Variants in UNC13C observed in about 807,000 individuals in gnomAD.
The protein encoded by UNC13C is protein unc-13 homolog C.
Under a neutral mutation model 245.4 loss-of-function variants are expected in UNC13C, and 174 were observed. That is an observed-to-expected ratio of 0.71 (90% CI 0.63 to 0.80). UNC13C has a LOEUF of 0.80. UNC13C is among the 30% of genes least tolerant of loss of function. UNC13C has a pLI of 0.00. For synonymous variants in UNC13C, 992 were observed against 895.1 expected (o/e 1.11, Z -1.93); for missense variants, 2,829 against 2,602.9 (o/e 1.09, Z -1.89).
intron 20 of UNC13C, among the ~76,000 whole-genome samples, chr15:54,496,674 G>A (rs1893962793): frequency 6.6e-6 from 1 of 152,080 alleles, no homozygotes; most frequent in South Asian, 2.1e-4. Flanking sequence ...CAGCAACCTG[G>A]ATGGAACTGG....
At chr15:54,020,459 TTTTTA>T (rs957264815) in intron 2 of UNC13C, among the ~76,000 whole-genome samples, 5 of 135,882 alleles carry the variant, frequency 3.7e-5, no homozygotes, top group Admixed American at 7.1e-5. Context: ...TTTTTTTTTT[TTTTTA>T]ATTAGAGATG....
the UNC13C span, among the ~76,000 whole-genome samples, chr15:53,957,942 A>G: frequency 6.6e-6 from 1 of 152,052 alleles, no homozygotes; most frequent in Non-Finnish European, 1.5e-5. Flanking sequence ...AATGATTTCA[A>G]CATGGGCTCA....
the UNC13C span, among the ~76,000 whole-genome samples, chr15:53,919,274 G>C: frequency 0.16 from 23,621 of 152,104 alleles, 2,181 homozygotes; most frequent in Middle Eastern, 0.22. Context: ...CCGTAGGGTT[G>C]TTGTGAGGAT....
intron 30 of UNC13C, among the ~76,000 whole-genome samples, chr15:54,615,523 T>C (rs566153556): frequency 6.6e-6 from 1 of 152,154 alleles, no homozygotes; most frequent in African/African-American, 2.4e-5. Flanking sequence ...CTGGTGGGAA[T>C]ACACACTGCC....
At chr15:53,983,934 C>T (rs1894023926) in intron 1 of UNC13C, among the ~76,000 whole-genome samples, 1 of 152,070 alleles carries the variant, frequency 6.6e-6, no homozygotes, top group Non-Finnish European at 1.5e-5. Context: ...TTCTCTTTAA[C>T]ACTTGGTCTC....
At chr15:54,365,246 A>G (rs958854524) in intron 17 of UNC13C, among the ~76,000 whole-genome samples, 1 of 151,956 alleles carries the variant, frequency 6.6e-6, no homozygotes, top group Non-Finnish European at 1.5e-5. Context: ...CCTTCTGGCC[A>G]GCTGGTCCTT....
At chr15:54,525,412 C>CA (rs75531604) in intron 24 of UNC13C, 137 bp from the exon 25 acceptor site, 19,910 of 393,190 alleles carry the variant, frequency 0.051, 11 homozygotes, top group East Asian at 0.057. Flanking sequence ...TTTCAAAGAC[C>CA]AAAAAAAAAA....
chr15:54,058,146 C>A (rs1005863604), intron 2 of UNC13C, among the ~76,000 whole-genome samples: 2 of 152,118 alleles, frequency 1.3e-5, no homozygotes, highest in Non-Finnish European at 2.9e-5. Context: ...ACACAAAAAA[C>A]CCTTCAAAAA....
Position 54,188,205 on chromosome 15 carries a change from A to G in UNC13C, c.3071+44521A>G, listed in dbSNP as rs571741667. 2.0e-5 allele frequency among the ~76,000 whole-genome samples: 3 copies of G among 152,262 alleles called. No homozygotes were observed. In the East Asian group the frequency reaches 5.8e-4, roughly 29 times the overall value. On this transcript the variant is annotated intron_variant, in intron 4 of 32. Transcript: ENST00000260323. ...ACGGGATTGAATACATTCTTATTTC[A>G]TATTCTTACATTATTTAAACTAAGT...
chr15:54,122,925 T>G (rs892890166), intron 2 of UNC13C, among the ~76,000 whole-genome samples: 1 of 152,100 alleles, frequency 6.6e-6, no homozygotes, highest in African/African-American at 2.4e-5. Context: ...ATTTCACATT[T>G]AAGTATTCAT....
At chr15:54,174,505 T>C (rs906695378) in intron 4 of UNC13C, among the ~76,000 whole-genome samples, 6 of 152,174 alleles carry the variant, frequency 3.9e-5, no homozygotes, top group African/African-American at 1.4e-4. Context: ...AATGGTTTAG[T>C]TTAGGTATGA....
At chr15:54,611,974 G>A (rs11633594) in intron 30 of UNC13C, among the ~76,000 whole-genome samples, 6,037 of 152,050 alleles carry the variant, frequency 0.04, 218 homozygotes, top group Admixed American at 0.12. Context: ...TACAACTGTT[G>A]CACTGATCAC....
intron 12 of UNC13C, 41 bp downstream of exon 12, chr15:54,297,967 GTTC>G: frequency 1.6e-6 from 2 of 1,263,058 alleles, no homozygotes; most frequent in Non-Finnish European, 2.2e-6. Flanking sequence ...TATAAGAAAT[GTTC>G]TTGATTATGG....
intron 2 of UNC13C, among the ~76,000 whole-genome samples, chr15:54,039,388 G>C (rs891322338): frequency 6.6e-6 from 1 of 152,130 alleles, no homozygotes; most frequent in Non-Finnish European, 1.5e-5. Flanking sequence ...CTGGCAGGGC[G>C]ACAATGAAAC....
chr15:54,387,456 T>C (rs1016264655), intron 17 of UNC13C, among the ~76,000 whole-genome samples: 6 of 152,070 alleles, frequency 3.9e-5, no homozygotes, highest in Admixed American at 3.3e-4. Context: ...AATTAGTGTA[T>C]AATTAGCAGT....
chr15:54,050,581 T>C, intron 2 of UNC13C: 1 of 429,882 alleles, frequency 2.3e-6, no homozygotes. Flanking sequence ...GCTACACTTT[T>C]TTCCACTCTT....
intron 8 of UNC13C, among the ~76,000 whole-genome samples, chr15:54,259,297 T>C (rs773176246): frequency 6.6e-6 from 1 of 152,232 alleles, no homozygotes; most frequent in Non-Finnish European, 1.5e-5. Context: ...AGTGTATTAG[T>C]ACATTTTCAG....
At chr15:54,614,584 G>C (rs570192121) in intron 30 of UNC13C, among the ~76,000 whole-genome samples, 8 of 151,850 alleles carry the variant, frequency 5.3e-5, no homozygotes, top group African/African-American at 1.9e-4. Flanking sequence ...TTGAAGTTTT[G>C]AAAATTACTT....
chr15:54,219,689 C>T (rs1414561781), intron 4 of UNC13C, among the ~76,000 whole-genome samples: 1 of 151,584 alleles, frequency 6.6e-6, no homozygotes, highest in Non-Finnish European at 1.5e-5. Flanking sequence ...AAAATTTTCG[C>T]AACCTACTCA....
Sources: allele counts gnomAD v4.1 joint callset (sites outside exome capture counted in the v4.1 genomes callset), GRCh38; gene constraint gnomAD v4.1.1; transcripts MANE v1.5; gene names NCBI Gene and HGNC (gene_info 2026-07-23, HGNC 2026-07-21).